Variants in HCRTR2 observed in about 807,000 individuals in gnomAD.
HCRTR2 encodes the protein orexin receptor type 2.
HCRTR2 carries 22 observed loss-of-function variants against 49.0 expected under a neutral mutation model. The observed-to-expected ratio is 0.45, with a 90% CI of 0.32 to 0.64. HCRTR2 has a LOEUF of 0.64. Among genes scored for constraint, HCRTR2 ranks in the 30% least tolerant of loss-of-function variants. The pLI is 0.04. For synonymous variants in HCRTR2, 236 were observed against 205.3 expected, an observed-to-expected ratio of 1.15 and a Z score of -1.28; for missense variants, 491 against 559.4, an observed-to-expected ratio of 0.88 and a Z score of 1.23.
intron 1 of HCRTR2, among the ~76,000 whole-genome samples, chr6:55,179,767 G>T (rs886373640): frequency 3.3e-5 from 5 of 152,054 alleles, no homozygotes; most frequent in Non-Finnish European, 7.4e-5. Context: ...ATACTAAATT[G>T]TATCATATGA....
intron 2 of HCRTR2, among the ~76,000 whole-genome samples, chr6:55,252,299 G>T (rs1047110165): frequency 8.5e-5 from 13 of 152,164 alleles, no homozygotes; most frequent in African/African-American, 3.1e-4. Flanking sequence ...GAACTGATAT[G>T]AATTGATTAT....
chr6:55,177,483 G>A (rs1765061404), intron 1 of HCRTR2, among the ~76,000 whole-genome samples: 1 of 152,108 alleles, frequency 6.6e-6, no homozygotes, highest in Non-Finnish European at 1.5e-5. Flanking sequence ...ACATAGAGTG[G>A]TAGGACAGGA....
At chr6:55,262,553 TTA>T (rs1174899969) in intron 3 of HCRTR2, among the ~76,000 whole-genome samples, 1 of 131,716 alleles carries the variant, frequency 7.6e-6, no homozygotes, top group Non-Finnish European at 1.6e-5. Context: ...ATATAACTTA[TTA>T]TATATTATAT....
intron 2 of HCRTR2, among the ~76,000 whole-genome samples, chr6:55,252,900 TAGTAAACACAC>T (rs1766579532): frequency 6.6e-6 from 1 of 151,990 alleles, no homozygotes; most frequent in African/African-American, 2.4e-5. Context: ...TCATAAGAAA[TAGTAAACACAC>T]AGCACTTATA....
chr6:55,238,921 C>T (rs747003820), intron 1 of HCRTR2, among the ~76,000 whole-genome samples: 2 of 152,074 alleles, frequency 1.3e-5, no homozygotes, highest in Admixed American at 6.6e-5. Flanking sequence ...TGGGGAGGAT[C>T]GGATTGGTTG....
intron 1 of HCRTR2, among the ~76,000 whole-genome samples, chr6:55,238,922 G>A (rs1376472263): frequency 6.6e-6 from 1 of 152,132 alleles, no homozygotes; most frequent in Non-Finnish European, 1.5e-5. Flanking sequence ...GGGGAGGATC[G>A]GATTGGTTGC....
chr6:55,109,331 G>T lies in HCRTR2; in HGVS notation c.-378+2786G>T, dbSNP rs377678170. Among the ~76,000 whole-genome samples the T allele has an allele frequency of 5.3e-5, 8 of 152,182 alleles. No individual in the cohort carries two copies. The East Asian group carries it at 1.4e-3, about 26-fold the overall frequency. ...ACAAGGTTCTTTAACAACCCCAGAA[G>T]ATCACACTAGCTCACCAGCAATTGA... is the stretch of plus-strand genomic sequence containing the variant. On this transcript the variant is annotated intron_variant, in intron 1 of 7. Transcript: ENST00000615358.
chr6:55,115,876 A>G (rs1764109536), intron 1 of HCRTR2, among the ~76,000 whole-genome samples: 1 of 151,432 alleles, frequency 6.6e-6, no homozygotes, highest in Non-Finnish European at 1.5e-5. Context: ...TTTTTCAATT[A>G]CTACATCTCT....
chr6:55,268,386 TTCAA>T lies in HCRTR2; in HGVS notation c.762+4569_762+4572del, dbSNP rs1380158265. On this transcript the variant is annotated intron_variant, in intron 4 of 6. Coordinates refer to ENST00000370862, the MANE Select transcript of HCRTR2 (RefSeq NM_001384272.1). ...GATTAAATGTAAATGGATACAATAC[TTCAA>T]TCAAAGGGCATAGATTGACATAATA... Among the ~76,000 whole-genome samples, 7 of 152,146 alleles carry T rather than the reference TTCAA, an allele frequency of 4.6e-5. No homozygotes were observed. The South Asian group carries it at 8.3e-4, about 18-fold the overall frequency.
intron 1 of HCRTR2, among the ~76,000 whole-genome samples, chr6:55,218,176 C>G (rs1304026855): frequency 1.3e-5 from 2 of 152,120 alleles, no homozygotes; most frequent in East Asian, 3.9e-4. Context: ...GTAAATTAAT[C>G]TATTCATGAG....
At chr6:55,232,428 C>T (rs1766133454) in intron 1 of HCRTR2, among the ~76,000 whole-genome samples, 1 of 152,090 alleles carries the variant, frequency 6.6e-6, no homozygotes, top group Non-Finnish European at 1.5e-5. Context: ...GTTGTTCTTT[C>T]CTTGAATAGA....
chr6:55,250,546 C>T (rs1224794237), intron 2 of HCRTR2, among the ~76,000 whole-genome samples: 1 of 151,978 alleles, frequency 6.6e-6, no homozygotes, highest in Non-Finnish European at 1.5e-5. Context: ...CAGAAGATTC[C>T]CTGGTGGGAA....
At chr6:55,208,287 C>T (rs1765637324) in intron 1 of HCRTR2, among the ~76,000 whole-genome samples, 1 of 149,272 alleles carries the variant, frequency 6.7e-6, no homozygotes, top group Non-Finnish European at 1.5e-5. Flanking sequence ...CCAGCCTGGC[C>T]CAACACGGTG....
At chr6:55,159,763 TAA>T (rs1764779785) in intron 1 of HCRTR2, among the ~76,000 whole-genome samples, 1 of 151,920 alleles carries the variant, frequency 6.6e-6, no homozygotes, top group African/African-American at 2.4e-5. Flanking sequence ...CTTAATGAAA[TAA>T]AGTGTGAAGA....
At chr6:55,250,212 G>A (rs1766522935) in intron 2 of HCRTR2, among the ~76,000 whole-genome samples, 1 of 151,962 alleles carries the variant, frequency 6.6e-6, no homozygotes, top group Non-Finnish European at 1.5e-5. Flanking sequence ...AATCATGAAT[G>A]GATTACAAAA....
At chr6:55,180,300 T>C (rs1765109562) in intron 1 of HCRTR2, among the ~76,000 whole-genome samples, 1 of 152,232 alleles carries the variant, frequency 6.6e-6, no homozygotes, top group Non-Finnish European at 1.5e-5. Context: ...CCATGCTTAT[T>C]CCATTACTTC....
intron 1 of HCRTR2, among the ~76,000 whole-genome samples, chr6:55,180,983 AT>A (rs753522920): frequency 6.9e-4 from 75 of 108,592 alleles, no homozygotes; most frequent in Non-Finnish European, 1.1e-3. Context: ...TTTTTTTTGT[AT>A]TTTTAGTAGA....
At chr6:55,138,752 A>C (rs1207695420) in intron 1 of HCRTR2, among the ~76,000 whole-genome samples, 1 of 152,206 alleles carries the variant, frequency 6.6e-6, no homozygotes, top group Non-Finnish European at 1.5e-5. Context: ...ACTTATTCAA[A>C]TATTTCTAAA....
At chr6:55,210,376 G>A (rs994197240) in intron 1 of HCRTR2, among the ~76,000 whole-genome samples, 7 of 151,978 alleles carry the variant, frequency 4.6e-5, no homozygotes, top group African/African-American at 1.5e-4. Context: ...AGGAATAGGT[G>A]GCCTGCAGAC....
Sources: allele counts gnomAD v4.1 joint callset (sites outside exome capture counted in the v4.1 genomes callset), GRCh38; gene constraint gnomAD v4.1.1; transcripts MANE v1.5; gene names NCBI Gene and HGNC (gene_info 2026-07-23, HGNC 2026-07-21).